The following VPS13B variants were observed in gnomAD, a reference collection of about 807,000 sequenced individuals.
VPS13B encodes the protein intermembrane lipid transfer protein VPS13B.
Under a neutral mutation model 426.4 loss-of-function variants are expected in VPS13B, and 285 were observed. That is an observed-to-expected ratio of 0.67 (90% confidence interval 0.61 to 0.74). VPS13B has a LOEUF of 0.74. Among genes scored for constraint, VPS13B ranks in the 30% least tolerant of loss-of-function variants. The pLI is 0.00. For synonymous variants in VPS13B, 1,676 were observed against 1,676.4 expected, an observed-to-expected ratio of 1.00 and a Z score of 0.01; for missense variants, 4,537 against 4,782.6, an observed-to-expected ratio of 0.95 and a Z score of 1.51.
At chr8:99,536,909 A>T (rs752047399) in intron 30 of VPS13B, 19 of 453,246 alleles carry the variant, frequency 4.2e-5, no homozygotes, top group Non-Finnish European at 6.8e-5. Flanking sequence ...ACATGCATAG[A>T]GTTACAGAAT....
At chr8:99,739,038 A>G (rs1446545202) in intron 39 of VPS13B, among the ~76,000 whole-genome samples, 1 of 152,240 alleles carries the variant, frequency 6.6e-6, no homozygotes, top group Admixed American at 6.5e-5. Context: ...CGCCTCACCC[A>G]GGAAGCGCAA....
intron 30 of VPS13B, among the ~76,000 whole-genome samples, chr8:99,555,190 C>G (rs75096773): frequency 0.022 from 3,280 of 152,192 alleles, 58 homozygotes; most frequent in South Asian, 0.055. Flanking sequence ...TTGCCTGGCC[C>G]AGTCCTGAGC....
At chr8:99,027,958 T>A (rs1434306207) in intron 2 of VPS13B, among the ~76,000 whole-genome samples, 1 of 152,206 alleles carries the variant, frequency 6.6e-6, no homozygotes, top group African/African-American at 2.4e-5. Flanking sequence ...ACAAAGCACA[T>A]CTTGCACCGC....
chr8:99,711,559 G>A (rs1832711116), intron 36 of VPS13B, among the ~76,000 whole-genome samples: 3 of 152,020 alleles, frequency 2.0e-5, no homozygotes, highest in South Asian at 4.2e-4. Context: ...GGGTAGGCTT[G>A]AGCAAAAGAA....
At chr8:99,652,528 A>T (rs970843105) in intron 34 of VPS13B, among the ~76,000 whole-genome samples, 10 of 151,826 alleles carry the variant, frequency 6.6e-5, no homozygotes, top group African/African-American at 2.2e-4. Context: ...TGGTTTGAAA[A>T]TTTTCAGTTA....
At chr8:99,829,871 C>G (rs1814945812) in intron 51 of VPS13B, among the ~76,000 whole-genome samples, 1 of 152,186 alleles carries the variant, frequency 6.6e-6, no homozygotes. Context: ...TGTAGGTCTG[C>G]TAGAGTTTTC....
Position 99,143,090 on chromosome 8 carries a change from G to A in VPS13B, c.1768G>A (p.Ala590Thr), listed in dbSNP as rs140601319. Residue 590 changes from alanine to threonine, a missense_variant, in exon 13 of 62, where the codon GCG (alanine) becomes ACG (threonine). Ala to Thr is a moderately conservative substitution (Grantham distance 58). This residue lies in a region of VPS13B where 4,311 missense variants were observed against 4,474.3 expected (regional missense o/e 0.96). Transcript: ENST00000357162. ...GPLDFRLDSS[A>T]VHRILKMIVC... The stretch of plus-strand genomic sequence containing the variant: ...TCTTGATTTTCGTTTGGATAGCAGT[G>A]CGGTGCATAGGATTTTGAAAATGAT... 8.7e-4 allele frequency: 1,404 copies of A among 1,614,026 alleles called. 2 individuals are homozygous for A. Among genetic ancestry groups the A allele is most frequent in the Middle Eastern group, 2.5e-3 (15 of 6,060 alleles).
intron 33 of VPS13B, among the ~76,000 whole-genome samples, chr8:99,638,869 G>A (rs1040276467): frequency 2.6e-5 from 4 of 152,098 alleles, no homozygotes; most frequent in Admixed American, 6.6e-5. Flanking sequence ...ATTTAATGTT[G>A]TATCAAAGAT....
chr8:99,501,559 T>C, intron 25 of VPS13B, 128 bp from the exon 26 acceptor site: 1 of 897,542 alleles, frequency 1.1e-6, no homozygotes, highest in Non-Finnish European at 1.7e-6. Context: ...AACATTTATA[T>C]GATTATCATT....
intron 33 of VPS13B, among the ~76,000 whole-genome samples, chr8:99,620,961 G>A (rs1171023722): frequency 7.1e-6 from 1 of 141,648 alleles, no homozygotes; most frequent in African/African-American, 2.6e-5. Context: ...ACTCCAGCCT[G>A]GGCATCAAAA....
intron 33 of VPS13B, among the ~76,000 whole-genome samples, chr8:99,633,836 T>C (rs947622523): frequency 6.6e-6 from 1 of 151,334 alleles, no homozygotes; most frequent in African/African-American, 2.4e-5. Context: ...TGTGTGTGTG[T>C]GTGCGTGTTT....
At chr8:99,661,560 C>A in intron 35 of VPS13B, 69 bp downstream of exon 35, 1 of 1,557,954 alleles carries the variant, frequency 6.4e-7, no homozygotes, top group East Asian at 2.3e-5. Flanking sequence ...TATATAGGAT[C>A]TGTTAGTAAT....
intron 3 of VPS13B, among the ~76,000 whole-genome samples, chr8:99,077,113 G>A (rs1490857380): frequency 6.6e-6 from 1 of 151,880 alleles, no homozygotes; most frequent in Non-Finnish European, 1.5e-5. Flanking sequence ...TTTTCTTTTA[G>A]GGTGGTTTAG....
At chr8:99,496,487 T>A (rs556021911) in intron 25 of VPS13B, among the ~76,000 whole-genome samples, 30 of 152,178 alleles carry the variant, frequency 2.0e-4, no homozygotes, top group Admixed American at 3.3e-4. Context: ...CCGTTTCTAC[T>A]AAAAATATAA....
chr8:99,448,402 C>A (rs1818032775), intron 23 of VPS13B, among the ~76,000 whole-genome samples: 1 of 152,064 alleles, frequency 6.6e-6, no homozygotes, highest in African/African-American at 2.4e-5. Context: ...TATTTAAATT[C>A]TCTTTTGGTC....
At chr8:99,658,884 C>G (rs949072183) in intron 34 of VPS13B, among the ~76,000 whole-genome samples, 2 of 152,136 alleles carry the variant, frequency 1.3e-5, no homozygotes, top group African/African-American at 4.8e-5. Flanking sequence ...GGCACAATCA[C>G]GGCTCACTGC....
chr8:99,499,194 G>A (rs941352069), intron 25 of VPS13B, among the ~76,000 whole-genome samples: 1 of 152,034 alleles, frequency 6.6e-6, no homozygotes, highest in Admixed American at 6.6e-5. Context: ...CTCCATTTCC[G>A]GCCTGATTTT....
intron 19 of VPS13B, among the ~76,000 whole-genome samples, chr8:99,301,719 C>T (rs1228833900): frequency 6.6e-6 from 1 of 152,142 alleles, no homozygotes; most frequent in Non-Finnish European, 1.5e-5. Flanking sequence ...AACTTAGAGT[C>T]CTTGTTTCCA....
intron 19 of VPS13B, among the ~76,000 whole-genome samples, chr8:99,304,773 T>C (rs1820551299): frequency 6.6e-6 from 1 of 152,166 alleles, no homozygotes; most frequent in African/African-American, 2.4e-5. Context: ...ATTTTCCATC[T>C]TTTATATCTG....
Sources: allele counts gnomAD v4.1 joint callset (sites outside exome capture counted in the v4.1 genomes callset), GRCh38; gene constraint gnomAD v4.1.1; regional missense constraint gnomAD v4.1.1; transcripts MANE v1.5; gene names NCBI Gene and HGNC (gene_info 2026-07-23, HGNC 2026-07-21).